The following VPS13D variants were observed in gnomAD, a reference collection of about 807,000 sequenced individuals.
VPS13D encodes the protein intermembrane lipid transfer protein VPS13D.
Under a neutral mutation model 461.9 loss-of-function variants are expected in VPS13D, and 187 were observed. That is an observed-to-expected ratio of 0.40 (90% confidence interval 0.36 to 0.46). VPS13D has a LOEUF of 0.46. Among genes scored for constraint, VPS13D ranks in the 20% least tolerant of loss-of-function variants. VPS13D has a pLI of 0.60. For synonymous variants in VPS13D, 1,951 were observed against 1,986.3 expected, an observed-to-expected ratio of 0.98 and a Z score of 0.47; for missense variants, 4,711 against 5,364.9, an observed-to-expected ratio of 0.88 and a Z score of 3.81.
Position 12,279,740 on chromosome 1 carries a change from G to T in VPS13D, c.4602+90G>T. 8.8e-7 allele frequency: 1 copy of T among 1,142,700 alleles called. No individual in the cohort carries two copies. 70.8% of individuals were successfully genotyped at this position (1,142,700 alleles called of 1,614,324 possible). A position where few individuals can be genotyped will look rare whatever the true frequency, so the allele number is the denominator to read the frequency against. The stretch of plus-strand genomic sequence containing the variant: ...ATTTATGTATATTACATGTTGGAAG[G>T]AATATATATTTTCAAAGATATATCA... On this transcript the variant is annotated intron_variant, in intron 20 of 69. Coordinates refer to ENST00000620676, the MANE Select transcript of VPS13D (RefSeq NM_015378.4). The surrounding 1 kb of genome is among the most constrained non-coding windows in gnomAD (Gnocchi z 4.3).
At position 12,248,981 on chromosome 1, in the gene VPS13D, TATAAC is replaced by T. The variant is rs1038149262; in HGVS notation, c.448-230_448-226del. Among the ~76,000 whole-genome samples the T allele has an allele frequency of 1.8e-4, 27 of 152,276 alleles. 1 individual carries two copies. The East Asian group carries it at 3.9e-3, about 22-fold the overall frequency. ...TATAACATAACATAATATAACATAT[TATAAC>T]ATAACATAACAAGAGAGTTATTATA... On this transcript the variant is annotated intron_variant, in intron 5 of 69. Coordinates refer to ENST00000620676, the MANE Select transcript of VPS13D (RefSeq NM_015378.4).
At chr1:12,413,604 T>C (rs1644758209) in intron 63 of VPS13D, among the ~76,000 whole-genome samples, 1 of 152,146 alleles carries the variant, frequency 6.6e-6, no homozygotes, top group African/African-American at 2.4e-5. Context: ...CCTGAATGGC[T>C]GAGACTACAG....
chr1:12,479,286 C>T (rs76707624), intron 67 of VPS13D, among the ~76,000 whole-genome samples: 2,699 of 152,318 alleles, frequency 0.018, 22 homozygotes, highest in Non-Finnish European at 0.027. Flanking sequence ...TAGTTTAGTC[C>T]TGTCCATCAG....
At chr1:12,313,804 C>T (rs997302106) in intron 29 of VPS13D, among the ~76,000 whole-genome samples, 5 of 152,082 alleles carry the variant, frequency 3.3e-5, no homozygotes, top group African/African-American at 1.2e-4. Flanking sequence ...CCTTCTTAGA[C>T]TTCTGATGGG....
intron 67 of VPS13D, among the ~76,000 whole-genome samples, chr1:12,468,738 A>G (rs1570237575): frequency 6.6e-6 from 1 of 152,246 alleles, no homozygotes; most frequent in Non-Finnish European, 1.5e-5. Context: ...TTATCACAAT[A>G]TACTCTAAAA....
intron 5 of VPS13D, among the ~76,000 whole-genome samples, chr1:12,246,099 TAAA>T (rs894341419): frequency 3.9e-5 from 6 of 152,182 alleles, no homozygotes; most frequent in African/African-American, 1.4e-4. Flanking sequence ...CTGGGCCTTT[TAAA>T]GAGAGCTTGA....
At chr1:12,411,117 A>G (rs1483515303) in intron 63 of VPS13D, among the ~76,000 whole-genome samples, 2 of 152,242 alleles carry the variant, frequency 1.3e-5, no homozygotes, top group African/African-American at 4.8e-5. Flanking sequence ...TAAGTCAAGG[A>G]TGATCTTTTT....
intron 16 of VPS13D, among the ~76,000 whole-genome samples, chr1:12,270,386 G>A (rs1641402894): frequency 6.6e-6 from 1 of 152,136 alleles, no homozygotes; most frequent in Admixed American, 6.5e-5. Flanking sequence ...GGGAGGCGGA[G>A]GCTGCAGTGA....
chr1:12,419,263 C>T (rs1644832365), intron 65 of VPS13D, among the ~76,000 whole-genome samples: 1 of 152,162 alleles, frequency 6.6e-6, no homozygotes, highest in Non-Finnish European at 1.5e-5. Context: ...TGGGAACTTC[C>T]CTTCCCATGG....
chr1:12,357,775 C>T (rs556689802), intron 49 of VPS13D, among the ~76,000 whole-genome samples: 3 of 152,124 alleles, frequency 2.0e-5, no homozygotes, highest in Non-Finnish European at 2.9e-5. Flanking sequence ...TTTGGGAGAC[C>T]GAGGCGTATC....
chr1:12,430,026 C>A (rs1395842736), intron 65 of VPS13D, among the ~76,000 whole-genome samples: 1 of 152,174 alleles, frequency 6.6e-6, no homozygotes, highest in African/African-American at 2.4e-5. Context: ...ATTGTTTTCA[C>A]TGAAGTGAAA....
intron 67 of VPS13D, among the ~76,000 whole-genome samples, chr1:12,490,180 C>T (rs1327220017): frequency 6.6e-6 from 1 of 152,220 alleles, no homozygotes; most frequent in African/African-American, 2.4e-5. Context: ...AAACCATTTG[C>T]AGGGCTCTAA....
chr1:12,405,868 A>T (rs1474621349), intron 63 of VPS13D, among the ~76,000 whole-genome samples: 1 of 152,134 alleles, frequency 6.6e-6, no homozygotes, highest in African/African-American at 2.4e-5. Flanking sequence ...AGAAACACAG[A>T]CACCTCACTA....
At position 12,276,779 on chromosome 1, in the gene VPS13D, C is replaced by T. The variant is rs1189738236; in HGVS notation, c.3191C>T (p.Thr1064Ile). 4 of 1,614,202 alleles carry T rather than the reference C, an allele frequency of 2.5e-6. No individual in the cohort carries two copies. Among genetic ancestry groups the T allele is most frequent in the Non-Finnish European group, 3.4e-6 (4 of 1,180,024 alleles). Residue 1064 changes from threonine to isoleucine, a missense_variant, in exon 19 of 70, where the codon ACT (threonine) becomes ATT (isoleucine). This residue lies in a region of VPS13D where 4,411 missense variants were observed against 4,937.8 expected (regional missense o/e 0.89). Coordinates refer to ENST00000620676, the MANE Select transcript of VPS13D (RefSeq NM_015378.4). This position sits in a 1 kb window ranked among gnomAD's most constrained non-coding sequence, Gnocchi z 4.5. Reference sequence around the variant, plus strand: ...GCTACACTGAACGACCGATCAGCTACTAGTGTTTCACTTGACAAAATTCTT... The same window carrying T: ...GCTACACTGAACGACCGATCAGCTATTAGTGTTTCACTTGACAAAATTCTT... ...DGATLNDRSA[T>I]SVSLDKILTK...
At chr1:12,342,423 G>A (rs1643590134) in intron 41 of VPS13D, among the ~76,000 whole-genome samples, 1 of 152,212 alleles carries the variant, frequency 6.6e-6, no homozygotes, top group Admixed American at 6.5e-5. Flanking sequence ...TTAGATCTTG[G>A]CTCAGCCTTC....
chr1:12,239,226 C>T (rs1004186746), intron 2 of VPS13D, among the ~76,000 whole-genome samples: 2 of 152,100 alleles, frequency 1.3e-5, no homozygotes, highest in Admixed American at 1.3e-4. Flanking sequence ...CCCTCAACCT[C>T]TCTGGGCTCA....
chr1:12,448,082 G>A (rs999777751), intron 65 of VPS13D, among the ~76,000 whole-genome samples: 3 of 152,158 alleles, frequency 2.0e-5, no homozygotes, highest in Non-Finnish European at 4.4e-5. Flanking sequence ...CAAGGTCGCC[G>A]TGGGTAACTC....
At chr1:12,422,686 G>T (rs1364012844) in intron 65 of VPS13D, among the ~76,000 whole-genome samples, 1 of 152,094 alleles carries the variant, frequency 6.6e-6, no homozygotes, top group Non-Finnish European at 1.5e-5. Flanking sequence ...ACCTCCTGTT[G>T]GTTAGGCTTG....
At chr1:12,287,093 T>A (rs1239074573) in intron 21 of VPS13D, among the ~76,000 whole-genome samples, 2 of 152,138 alleles carry the variant, frequency 1.3e-5, no homozygotes, top group African/African-American at 4.8e-5. Flanking sequence ...ACTCCTGACC[T>A]CAAGTGATCA....
Sources: allele counts gnomAD v4.1 joint callset (sites outside exome capture counted in the v4.1 genomes callset), GRCh38; gene constraint gnomAD v4.1.1; regional missense constraint gnomAD v4.1.1; non-coding constraint Gnocchi (gnomAD v3.1); transcripts MANE v1.5; gene names NCBI Gene and HGNC (gene_info 2026-07-23, HGNC 2026-07-21).